The following STRN variants were observed in gnomAD, a reference collection of about 807,000 sequenced individuals.
The protein encoded by STRN is protein phosphatase 2 regulatory subunit B'''alpha.
Under a neutral mutation model 96.3 loss-of-function variants are expected in STRN, and 53 were observed. That is an observed-to-expected ratio of 0.55 (90% CI 0.44 to 0.69). The LOEUF (loss-of-function observed/expected upper bound fraction) is 0.69. Ranked by LOEUF, STRN falls within the 30% of genes least tolerant of loss-of-function variation. The pLI is 0.00. For synonymous variants in STRN, 428 were observed against 355.9 expected, an observed-to-expected ratio of 1.20 and a Z score of -2.28; for missense variants, 987 against 963.9, an observed-to-expected ratio of 1.02 and a Z score of -0.32.
intron 2 of STRN, among the ~76,000 whole-genome samples, chr2:36,917,546 AAAAAAAAGAAAAAAAG>A (rs1173879167): frequency 1.0e-4 from 15 of 150,182 alleles, no homozygotes; most frequent in South Asian, 4.2e-4. Flanking sequence ...AAGAAAAAAA[AAAAAAAAGAAAAAAAG>A]AAAAGTAGAA....
intron 6 of STRN, among the ~76,000 whole-genome samples, chr2:36,898,992 C>T (rs1180987227): frequency 3.3e-5 from 5 of 152,026 alleles, no homozygotes; most frequent in South Asian, 4.2e-4. Flanking sequence ...GTGGCTACTT[C>T]GAGACATCTC....
chr2:36,938,192 G>A (rs553389834), intron 1 of STRN, among the ~76,000 whole-genome samples: 13 of 152,184 alleles, frequency 8.5e-5, no homozygotes, highest in African/African-American at 2.4e-4. Context: ...TTGGGAGGCC[G>A]AGGCGGGTGG....
In STRN at chr2:36,893,693, G is replaced by GT. The variant is rs200488028; in HGVS notation, c.931+204dup. Reference sequence around the variant, plus strand: ...ATTCTTTTCATACTGTATTGTTGTTGTTTTTTTTTCTTTTTAAATGAGGTA... The same window carrying GT: ...ATTCTTTTCATACTGTATTGTTGTTGTTTTTTTTTTCTTTTTAAATGAGGTA... On this transcript the variant is annotated intron_variant, in intron 7 of 17. Coordinates refer to ENST00000263918, the MANE Select transcript of STRN (RefSeq NM_003162.4). Among the ~76,000 whole-genome samples the GT allele has an allele frequency of 9.5e-3, 1,427 of 150,488 alleles. 32 individuals carry two copies. Among genetic ancestry groups the GT allele is most frequent in the African/African-American group, 0.033 (1,368 of 41,032 alleles).
intron 15 of STRN, among the ~76,000 whole-genome samples, chr2:36,853,166 T>A (rs1379025479): frequency 1.5e-5 from 2 of 134,900 alleles, no homozygotes; most frequent in African/African-American, 2.6e-5. Context: ...CAAAAAAAAA[T>A]AAATATAAAA....
intron 3 of STRN, among the ~76,000 whole-genome samples, chr2:36,908,784 G>A (rs1419684170): frequency 6.6e-6 from 1 of 152,054 alleles, no homozygotes; most frequent in Non-Finnish European, 1.5e-5. Context: ...GACCAGCCTG[G>A]CCAATATGGT....
chr2:36,903,130 T>C (rs1299350161), intron 4 of STRN, among the ~76,000 whole-genome samples: 1 of 152,218 alleles, frequency 6.6e-6, no homozygotes, highest in Non-Finnish European at 1.5e-5. Context: ...GGATCAACTG[T>C]TTGTGATCTA....
Position 36,867,792 on chromosome 2 carries a change from TAAAG to T in STRN, c.1547+18_1547+21del. 1 of 1,487,952 alleles carries T rather than the reference TAAAG, an allele frequency of 6.7e-7. No homozygotes were observed. Among genetic ancestry groups the T allele is most frequent in the South Asian group, 1.3e-5 (1 of 76,288 alleles). 92.2% of individuals were successfully genotyped at this position (1,487,952 alleles called of 1,614,324 possible). A position where few individuals can be genotyped will look rare whatever the true frequency, so the allele number is the denominator to read the frequency against. ...ATTTTACAGAGATATCGGTTTAAAA[TAAAG>T]AAAAAACATATACTTACTTATGGGC... On this transcript the variant is annotated intron_variant, in intron 12 of 17. Coordinates refer to ENST00000263918, the MANE Select transcript of STRN (RefSeq NM_003162.4).
intron 1 of STRN, among the ~76,000 whole-genome samples, chr2:36,950,661 G>A (rs1346761286): frequency 6.6e-6 from 1 of 152,184 alleles, no homozygotes; most frequent in African/African-American, 2.4e-5. Flanking sequence ...GTGCCTAGGA[G>A]AATGCCAGAT....
At chr2:36,876,382 A>C (rs1178919656) in intron 10 of STRN, among the ~76,000 whole-genome samples, 1 of 152,208 alleles carries the variant, frequency 6.6e-6, no homozygotes, top group African/African-American at 2.4e-5. Context: ...GCTAAGAAAA[A>C]AATGGACCAG....
chr2:36,911,796 C>T (rs1669971390), intron 3 of STRN, among the ~76,000 whole-genome samples: 2 of 152,126 alleles, frequency 1.3e-5, no homozygotes, highest in Non-Finnish European at 2.9e-5. Context: ...TTCTCTTTTA[C>T]TTTACCCAGA....
chr2:36,871,044 A>G (rs1318339918), intron 10 of STRN, among the ~76,000 whole-genome samples: 1 of 152,240 alleles, frequency 6.6e-6, no homozygotes, highest in Non-Finnish European at 1.5e-5. Context: ...AAGGAAGAGA[A>G]TATTTTTCTA....
At chr2:36,875,893 G>A (rs1341384198) in intron 10 of STRN, among the ~76,000 whole-genome samples, 2 of 152,120 alleles carry the variant, frequency 1.3e-5, no homozygotes, top group Non-Finnish European at 2.9e-5. Flanking sequence ...TCTTGACCTC[G>A]TGATCTGCCC....
At chr2:36,850,962 T>TC (rs1354001540) in intron 16 of STRN, 38 bp downstream of exon 16, 6 of 1,530,650 alleles carry the variant, frequency 3.9e-6, no homozygotes, top group Non-Finnish European at 5.3e-6. Context: ...ATTTTTTTTT[T>TC]TTGCTTTAAT....
chr2:36,887,012 G>A (rs1669249905), intron 7 of STRN, among the ~76,000 whole-genome samples, 186 bp from the exon 8 acceptor site: 1 of 151,116 alleles, frequency 6.6e-6, no homozygotes, highest in Admixed American at 6.6e-5. Context: ...AATGATCAGT[G>A]CAATTTCCTA....
chr2:36,900,239 A>G (rs978256633), intron 5 of STRN, among the ~76,000 whole-genome samples: 1 of 152,088 alleles, frequency 6.6e-6, no homozygotes, highest in Non-Finnish European at 1.5e-5. Flanking sequence ...TTCCTGATTT[A>G]TTATTATTTT....
intron 3 of STRN, 39 bp downstream of exon 3, chr2:36,916,039 T>C (rs750313858): frequency 1.3e-6 from 2 of 1,548,112 alleles, no homozygotes; most frequent in Non-Finnish European, 1.8e-6. Context: ...AGACATTAAC[T>C]TCTTTTTAAC....
At chr2:36,872,262 G>C (rs1403376905) in intron 10 of STRN, among the ~76,000 whole-genome samples, 2 of 152,116 alleles carry the variant, frequency 1.3e-5, no homozygotes, top group Non-Finnish European at 1.5e-5. Flanking sequence ...CACTCACACT[G>C]GGGGGAGCCA....
At chr2:36,924,854 C>T (rs779817800) in intron 2 of STRN, among the ~76,000 whole-genome samples, 2 of 152,134 alleles carry the variant, frequency 1.3e-5, no homozygotes, top group East Asian at 3.9e-4. Context: ...GTCAGGAATT[C>T]GAGACCAGCC....
chr2:36,940,003 A>T (rs1030661204), intron 1 of STRN, among the ~76,000 whole-genome samples: 1 of 152,224 alleles, frequency 6.6e-6, no homozygotes, highest in Non-Finnish European at 1.5e-5. Context: ...ACTTTGTTTA[A>T]GCATTTGGGT....
Sources: gnomAD v4.1 joint callset for allele counts (sites outside exome capture counted in the v4.1 genomes callset) on GRCh38, gnomAD v4.1.1 for gene constraint, MANE v1.5 for transcripts, NCBI Gene and HGNC (gene_info 2026-07-23, HGNC 2026-07-21) for gene names.